Variants in CATSPERG observed in about 807,000 individuals in gnomAD.
CATSPERG encodes the protein catsper channel auxiliary subunit gamma, also known as cation channel sperm-associated auxiliary subunit gamma.
CATSPERG carries 115 observed loss-of-function variants against 145.0 expected under a neutral mutation model. The observed-to-expected ratio is 0.79, with a 90% CI of 0.68 to 0.93. CATSPERG has a LOEUF of 0.93. Among genes scored for constraint, CATSPERG ranks in the 40% least tolerant of loss-of-function variants. The pLI is 0.00. For missense variants in CATSPERG, 1,296 were observed against 1,490.1 expected, an observed-to-expected ratio of 0.87 and a Z score of 2.14; for synonymous variants, 588 against 589.0, an observed-to-expected ratio of 1.00 and a Z score of 0.02.
intron 3 of CATSPERG, among the ~76,000 whole-genome samples, chr19:38,342,213 T>TA (rs1186860861): frequency 7.7e-6 from 1 of 129,722 alleles, no homozygotes; most frequent in South Asian, 2.6e-4. Context: ...CTGTCCCATG[T>TA]AAAAAATAAA....
chr19:38,361,661 C>T lies in CATSPERG; in HGVS notation c.1894C>T (p.Leu632Phe). 6.2e-7 allele frequency: 1 copy of T among 1,610,606 alleles called. No homozygotes were observed. Among genetic ancestry groups the T allele is most frequent in the Non-Finnish European group, 8.5e-7 (1 of 1,179,752 alleles). ...GCCACTGCCCAGGGGCTACTTGATG[C>T]TCTCCTTCATCGACTTCTGCCCCTT... ...DLERKGGYLM[L>F]SFIDFCPFSV... The change falls in exon 17 of 29, where the codon CTC becomes TTC. Residue 632 changes from leucine (L) to phenylalanine (F), a missense_variant. Transcript: ENST00000409235.
In CATSPERG at chr19:38,337,241, G is replaced by A. The variant is rs1969857140; in HGVS notation, c.7G>A (p.Gly3Ser). ...TCCAGGTTCTAGCCACGTTATGTGC[G>A]GCCCAGCCATGTTCCCTGCCGGTCC... is the stretch of plus-strand genomic sequence containing the variant. Reference protein sequence around the residue: MCGPAMFPAGPPW... With the variant: MCSPAMFPAGPPW... Residue 3 changes from glycine to serine, a missense_variant, in exon 2 of 29, where the codon GGC (glycine) becomes AGC (serine). Gly to Ser is a moderately conservative substitution (Grantham distance 56). Transcript: ENST00000409235. 6.4e-7 allele frequency: 1 copy of A among 1,551,056 alleles called. No individual in the cohort carries two copies. The highest frequency in any genetic ancestry group is 8.7e-7 in the Non-Finnish European group (1 of 1,146,910).
rs1233106263 is a variant in CATSPERG at position 38,361,880 on chromosome 19, G to A, written c.2094+19G>A. 6.3e-7 allele frequency: 1 copy of A among 1,589,366 alleles called. No homozygotes were observed. Among genetic ancestry groups the A allele is most frequent in the Middle Eastern group, 1.7e-4 (1 of 6,028 alleles). ...CGACAAGGTGGGCGTCCGGCGGCGG[G>A]CGGGCAGGCCTGAGACGGGACTGGG... On this transcript the variant is annotated intron_variant, in intron 17 of 28. Transcript: ENST00000409235.
At chr19:38,361,303 C>A (rs1385479945) in intron 16 of CATSPERG, among the ~76,000 whole-genome samples, 1 of 151,936 alleles carries the variant, frequency 6.6e-6, no homozygotes, top group African/African-American at 2.4e-5. Flanking sequence ...CATCGTCCTG[C>A]GGAGGGTGGA....
intron 26 of CATSPERG, among the ~76,000 whole-genome samples, chr19:38,368,946 T>C (rs2041221): frequency 0.17 from 25,867 of 152,144 alleles, 2,940 homozygotes; most frequent in East Asian, 0.53. Context: ...TACAGGCACA[T>C]GCCACCATGC....
rs1199114141 is a variant in CATSPERG at position 38,337,463 on chromosome 19, T to C, written c.229T>C (p.Leu77=). Residue 77 remains leucine, a synonymous_variant, in exon 2 of 29, where the codon TTG becomes CTG. Coordinates refer to ENST00000409235, the MANE Select transcript of CATSPERG (RefSeq NM_021185.5). ...EQEPVDTVSS[L]FHMLVDSPID... ...AGAGCCCGTGGACACAGTGAGCAGC[T>C]TGTTTCACATGCTGGTGGACTCACC... is the stretch of plus-strand genomic sequence containing the variant. 1 of 1,552,138 alleles carries C rather than the reference T, an allele frequency of 6.4e-7. No individual in the cohort carries two copies. Among genetic ancestry groups the C allele is most frequent in the Admixed American group, 2.0e-5 (1 of 50,998 alleles).
chr19:38,370,664 G>T lies in CATSPERG; in HGVS notation c.3352G>T (p.Ala1118Ser). The change falls in exon 29 of 29, where the codon GCC becomes TCC. Residue 1118 changes from alanine (A) to serine (S), a missense_variant. Transcript: ENST00000409235. ...LIASESYYTY[A>S]SISGISSMPS... ...TGCCTCAGAATCCTACTACACCTAC[G>T]CCTCCATTTCCGGAATCTCGAGCAT... The T allele has an allele frequency of 1.2e-6, 2 of 1,614,034 alleles. No individual in the cohort carries two copies. Among genetic ancestry groups the T allele is most frequent in the Non-Finnish European group, 1.7e-6 (2 of 1,180,020 alleles).
rs1237803897 is a variant in CATSPERG, at chr19:38,352,180, A to G, written c.826-81A>G. On this transcript the variant is annotated intron_variant, in intron 7 of 28. Transcript: ENST00000409235. ...TGTGTCCCTCCCAAGCAGCTGTCAG[A>G]GCAGGAGCTTCCCCGCAAGGCAGGA... 5 of 1,390,676 alleles carry G rather than the reference A, an allele frequency of 3.6e-6. No individual in the cohort carries two copies. The Admixed American group carries it at 1.0e-4, about 28-fold the overall frequency. The allele number at this position is 1,390,676 out of a possible 1,614,324, so 86.1% of individuals were successfully genotyped here. A position where few individuals can be genotyped will look rare whatever the true frequency, so the allele number is the denominator to read the frequency against.
intron 11 of CATSPERG, 70 bp downstream of exon 11, chr19:38,356,931 C>G (rs1600469657): frequency 6.3e-7 from 1 of 1,579,800 alleles, no homozygotes. Flanking sequence ...CATGCCCATC[C>G]TGAGGGATCT....
At chr19:38,365,336 G>A (rs1053387392) in intron 22 of CATSPERG, 14 of 540,746 alleles carry the variant, frequency 2.6e-5, no homozygotes, top group South Asian at 1.1e-4. Flanking sequence ...GGAGTGCGGC[G>A]GCGCGGTCTT....
At chr19:38,361,240 G>C (rs374030317) in intron 16 of CATSPERG, among the ~76,000 whole-genome samples, 61 of 152,124 alleles carry the variant, frequency 4.0e-4, no homozygotes, top group Admixed American at 1.2e-3. Context: ...ATGGGACTAA[G>C]GGAAAGGACT....
rs1240994326 is a variant in CATSPERG, at chr19:38,337,122, G to A, written c.-14-99G>A. 3 of 1,415,278 alleles carry A rather than the reference G, an allele frequency of 2.1e-6. No homozygotes were observed. The African/African-American group carries it at 4.3e-5, about 20-fold the overall frequency. The allele number at this position is 1,415,278 out of a possible 1,614,324, so 87.7% of individuals were successfully genotyped here. On this transcript the variant is annotated intron_variant, in intron 1 of 28. Transcript: ENST00000409235. Reference sequence around the variant, plus strand: ...AGGAGCAAGAGCCGGGGCGTGGCCAGGAGCAAGTGCTGTGAGAGGCGCAGA... The same window carrying A: ...AGGAGCAAGAGCCGGGGCGTGGCCAAGAGCAAGTGCTGTGAGAGGCGCAGA...
intron 20 of CATSPERG, 69 bp downstream of exon 20, chr19:38,362,901 CAG>C: frequency 1.1e-6 from 1 of 919,018 alleles, no homozygotes. Flanking sequence ...TTTTTGGAGA[CAG>C]GGTCTTGCTC....
chr19:38,367,318 T>G lies in CATSPERG; in HGVS notation c.2770+6T>G. The G allele has an allele frequency of 1.2e-6, 2 of 1,609,550 alleles. No individual in the cohort carries two copies. The highest frequency in any genetic ancestry group is 1.3e-5 in the African/African-American group (1 of 75,014). The stretch of plus-strand genomic sequence containing the variant: ...CTGCTTTCTCTTCCGGGACAGTGTG[T>G]GTCCAGTCCCTTCCCCTGCACAGTT... On this transcript the variant is annotated splice_donor_region_variant and intron_variant, in intron 23 of 28. Transcript: ENST00000409235.
chr19:38,341,864 T>C (rs1969943577), intron 3 of CATSPERG, among the ~76,000 whole-genome samples: 1 of 151,940 alleles, frequency 6.6e-6, no homozygotes, highest in African/African-American at 2.4e-5. Flanking sequence ...ATGGCGCCCT[T>C]ATACTCCAGC....
At chr19:38,344,454 A>T in intron 6 of CATSPERG, 86 bp downstream of exon 6, 1 of 1,197,470 alleles carries the variant, frequency 8.4e-7, no homozygotes, top group Non-Finnish European at 1.2e-6. Context: ...AGCAGATCCC[A>T]TTTAGGGAGC....
Position 38,368,283 on chromosome 19 carries a change from A to G in CATSPERG, c.3020+146A>G, listed in dbSNP as rs949282779. On this transcript the variant is annotated intron_variant, in intron 26 of 28. Coordinates refer to ENST00000409235, the MANE Select transcript of CATSPERG (RefSeq NM_021185.5). The stretch of plus-strand genomic sequence containing the variant: ...CTTAAATGGGGCTGAACTTTGCACA[A>G]GCTGAAGTCTCTGCCTGGAATGCTG... 1.3e-5 allele frequency: 9 copies of G among 691,472 alleles called. No individual in the cohort carries two copies. In the South Asian group the frequency reaches 1.4e-4, roughly 11 times the overall value. 42.8% of individuals were successfully genotyped at this position (691,472 alleles called of 1,614,324 possible).
rs369747572 is a variant in CATSPERG at position 38,362,786 on chromosome 19, C to G, written c.2429C>G (p.Ser810Trp). The G allele has an allele frequency of 1.2e-6, 2 of 1,612,342 alleles. No homozygotes were observed. The highest frequency in any genetic ancestry group is 1.1e-5 in the South Asian group (1 of 91,046). ...VLADPGCIEA[S>W]VKQEVLINRN... ...GCCGACCCCGGCTGCATCGAGGCCT[C>G]GGTGAAGCAGGAGGTCCTGATTAAT... is the stretch of plus-strand genomic sequence containing the variant. Residue 810 changes from serine (S) to tryptophan (W), a missense_variant, in exon 20 of 29, where the codon TCG (serine) becomes TGG (tryptophan). Ser to Trp is a radical substitution (Grantham distance 177, BLOSUM62 -3). Transcript: ENST00000409235.
At chr19:38,345,069 G>C (rs902804874) in intron 6 of CATSPERG, among the ~76,000 whole-genome samples, 1 of 150,364 alleles carries the variant, frequency 6.7e-6, no homozygotes, top group Non-Finnish European at 1.5e-5. Context: ...ACCATATCCA[G>C]CTAATTTTTA....
Sources: allele counts gnomAD v4.1 joint callset (sites outside exome capture counted in the v4.1 genomes callset), GRCh38; gene constraint gnomAD v4.1.1; transcripts MANE v1.5; gene names NCBI Gene and HGNC (gene_info 2026-07-23, HGNC 2026-07-21).